The following TVP23A variants were observed in gnomAD, a reference collection of about 807,000 sequenced individuals.
TVP23A encodes trans-golgi network vesicle protein 23 homolog A.
In TVP23A, 21 loss-of-function variants were observed where a neutral mutation model predicts 31.7. The observed-to-expected ratio is 0.66, with a 90% CI of 0.47 to 0.95. The LOEUF (loss-of-function observed/expected upper bound fraction) is 0.95, where lower values mean the gene tolerates loss of function less well. Ranked by LOEUF, TVP23A falls within the 40% of genes least tolerant of loss-of-function variation. The probability of loss-of-function intolerance (pLI) is 0.00; values close to 1 mark genes in which losing one functional copy is unlikely to be tolerated. For synonymous variants in TVP23A, 104 were observed against 96.0 expected (o/e 1.08, Z -0.49); for missense variants, 279 against 255.6 (o/e 1.09, Z -0.62).
At chr16:10,795,205 T>C (rs555882091) in intron 2 of TVP23A, among the ~76,000 whole-genome samples, 1 of 151,718 alleles carries the variant, frequency 6.6e-6, no homozygotes, top group East Asian at 1.9e-4. Flanking sequence ...GTGGGACAAT[T>C]TGAGTAGCAA....
chr16:10,809,284 T>TCA (rs985373729), intron 2 of TVP23A, among the ~76,000 whole-genome samples: 16 of 152,290 alleles, frequency 1.1e-4, no homozygotes, highest in African/African-American at 3.8e-4. Context: ...TCACTGTGAG[T>TCA]CAAGGGTTAA....
chr16:10,773,739 T>C (rs1460860718), intron 4 of TVP23A, among the ~76,000 whole-genome samples: 1 of 151,992 alleles, frequency 6.6e-6, no homozygotes, highest in African/African-American at 2.4e-5. Flanking sequence ...CCCAGCTAAT[T>C]TTTGTATTTT....
chr16:10,775,197 T>C, intron 2 of TVP23A, 101 bp from the exon 3 acceptor site: 2 of 1,491,458 alleles, frequency 1.3e-6, no homozygotes, highest in Non-Finnish European at 1.8e-6. Flanking sequence ...TTAGCGTGGC[T>C]CAATGGAATG....
intron 2 of TVP23A, among the ~76,000 whole-genome samples, chr16:10,803,619 C>T (rs1383046155): frequency 6.6e-6 from 1 of 152,212 alleles, no homozygotes; most frequent in African/African-American, 2.4e-5. Flanking sequence ...GTCCCATCAG[C>T]TGGTCCTGGT....
intron 6 of TVP23A, among the ~76,000 whole-genome samples, chr16:10,770,868 CAAAAAAAAAAA>C (rs376701429): frequency 4.1e-4 from 27 of 66,458 alleles, no homozygotes; most frequent in Admixed American, 6.5e-4. Context: ...ACTCCCATCT[CAAAAAAAAAAA>C]AAAAAAAAAA....
Position 10,775,163 on chromosome 16 carries a change from C to T in TVP23A, c.90-67G>A. On this transcript the variant is annotated intron_variant, in intron 2 of 7. Coordinates refer to ENST00000299866, the MANE Select transcript of TVP23A (RefSeq NM_001079512.4). ...GCGGATGGTCACTGAACTCCCTTTA[C>T]CACTTCAGACTTTGCTGGGGGTGTT... 1.9e-6 allele frequency: 3 copies of T among 1,538,658 alleles called. No individual in the cohort carries two copies. The South Asian group carries it at 3.7e-5, about 19-fold the overall frequency.
intron 2 of TVP23A, among the ~76,000 whole-genome samples, chr16:10,787,420 T>A (rs372126147): frequency 2.0e-5 from 3 of 152,252 alleles, no homozygotes; most frequent in African/African-American, 7.2e-5. Flanking sequence ...GGACTAGGTA[T>A]GTTCAAAATG....
At chr16:10,761,903 C>T (rs553690845), downstream of TVP23A, 9 of 1,488,306 alleles carry the variant, frequency 6.0e-6, no homozygotes, top group East Asian at 2.0e-4. Context: ...CCTCGGTCAG[C>T]CCCACAGGCA....
chr16:10,770,316 A>G lies in TVP23A; in HGVS notation c.598T>C (p.Phe200Leu). The G allele has an allele frequency of 6.4e-7, 1 of 1,551,574 alleles. No homozygotes were observed. Among genetic ancestry groups the G allele is most frequent in the Non-Finnish European group, 8.7e-7 (1 of 1,147,070 alleles). The change falls in exon 7 of 8, where the codon TTT becomes CTT. Residue 200 changes from phenylalanine to leucine, a missense_variant. Transcript: ENST00000299866. Reference protein sequence around the residue: ...TVFQTACPGDFQKPGLEGLEI... With the variant: ...TVFQTACPGDLQKPGLEGLEI... ...AGCCCCTCGAGGCCAGGCTTCTGAA[A>G]GTCACCTGGGCAGGCCTGCAAGGGG...
At chr16:10,802,144 A>G (rs967015743) in intron 2 of TVP23A, among the ~76,000 whole-genome samples, 1 of 151,908 alleles carries the variant, frequency 6.6e-6, no homozygotes, top group East Asian at 1.9e-4. Context: ...ACAACTAGGA[A>G]GACTCAGAAG....
At chr16:10,798,084 T>C (rs1226045714) in intron 2 of TVP23A, among the ~76,000 whole-genome samples, 2 of 150,554 alleles carry the variant, frequency 1.3e-5, no homozygotes, top group East Asian at 3.9e-4. Context: ...GCCTCCCGAG[T>C]AGCTGGGACT....
rs763571135 is a variant in TVP23A at position 10,767,917 on chromosome 16, C to T, written c.*1185G>A. The T allele has an allele frequency of 6.2e-7, 1 of 1,603,322 alleles. No individual in the cohort carries two copies. Among genetic ancestry groups the T allele is most frequent in the Non-Finnish European group, 8.5e-7 (1 of 1,170,274 alleles). On this transcript the variant is annotated 3_prime_UTR_variant, in exon 8 of 8. Coordinates refer to ENST00000299866, the MANE Select transcript of TVP23A (RefSeq NM_001079512.4). The surrounding 1 kb of genome is among the most constrained non-coding windows in gnomAD (Gnocchi z 4.6). Reference sequence around the variant, plus strand: ...GTGGCCATTCTGTTTTCCTCTTGGACTGAATTGTCTTCCGTTTGTTTCTTT... The same window carrying T: ...GTGGCCATTCTGTTTTCCTCTTGGATTGAATTGTCTTCCGTTTGTTTCTTT...
At chr16:10,785,202 C>A (rs1308020227) in intron 2 of TVP23A, among the ~76,000 whole-genome samples, 3 of 152,062 alleles carry the variant, frequency 2.0e-5, no homozygotes, top group Admixed American at 2.0e-4. Flanking sequence ...GTCAGGAGCT[C>A]ACGACCAGCC....
intron 7 of TVP23A, 36 bp from the exon 8 acceptor site, chr16:10,769,137 C>A: frequency 6.2e-7 from 1 of 1,607,292 alleles, no homozygotes; most frequent in South Asian, 1.1e-5. Flanking sequence ...AAGCAGTTAC[C>A]GAGCGAGGCA....
intron 2 of TVP23A, among the ~76,000 whole-genome samples, chr16:10,786,274 C>T (rs1596525863): frequency 6.6e-6 from 1 of 152,238 alleles, no homozygotes; most frequent in East Asian, 1.9e-4. Context: ...CTAACAATGT[C>T]TTTAAAAGTT....
intron 2 of TVP23A, chr16:10,775,299 GTTT>G (rs2031931138): frequency 7.2e-7 from 1 of 1,396,398 alleles, no homozygotes; most frequent in Non-Finnish European, 9.3e-7. Flanking sequence ...TGCTGACACT[GTTT>G]TTTTTCCTCC....
intron 2 of TVP23A, among the ~76,000 whole-genome samples, chr16:10,776,065 TA>T (rs1328064230): frequency 2.0e-5 from 3 of 151,734 alleles, no homozygotes; most frequent in Admixed American, 1.3e-4. Flanking sequence ...TTTTTATTAT[TA>T]TTATTTTTTA....
Position 10,779,487 on chromosome 16 carries a change from C to T in TVP23A, c.90-4391G>A, listed in dbSNP as rs2032287567. Reference sequence around the variant, plus strand: ...CACACACCACCAATCACCTCCAGTTCCCAGTGCCATTGCTCTCTAACTCCG... The same window carrying T: ...CACACACCACCAATCACCTCCAGTTTCCAGTGCCATTGCTCTCTAACTCCG... On this transcript the variant is annotated intron_variant, in intron 2 of 7. Coordinates refer to ENST00000299866, the MANE Select transcript of TVP23A (RefSeq NM_001079512.4). This position sits in a 1 kb window ranked among gnomAD's most constrained non-coding sequence, Gnocchi z 4.9. Among the ~76,000 whole-genome samples the T allele has an allele frequency of 6.6e-6, 1 of 152,172 alleles. No individual in the cohort carries two copies. The highest frequency in any genetic ancestry group is 2.1e-4 in the South Asian group (1 of 4,824).
At chr16:10,810,331 T>C (rs2143002943) in intron 2 of TVP23A, among the ~76,000 whole-genome samples, 1 of 152,198 alleles carries the variant, frequency 6.6e-6, no homozygotes, top group Non-Finnish European at 1.5e-5. Flanking sequence ...GGAGGATCAC[T>C]TGAGCTCTGG....
Sources: allele counts gnomAD v4.1 joint callset (sites outside exome capture counted in the v4.1 genomes callset), GRCh38; gene constraint gnomAD v4.1.1; non-coding constraint Gnocchi (gnomAD v3.1); transcripts MANE v1.5; gene names NCBI Gene and HGNC (gene_info 2026-07-23, HGNC 2026-07-21).